Variants in MS4A14 observed in about 807,000 individuals in gnomAD.
The protein encoded by MS4A14 is membrane-spanning 4-domains subfamily A member 14.
A neutral mutation model predicts 16.7 loss-of-function variants in MS4A14; 18 were observed. That is an observed-to-expected ratio of 1.08 (90% confidence interval 0.75 to 1.60). MS4A14 has a LOEUF of 1.60. MS4A14 is among the 40% of genes most tolerant of loss of function. The pLI is 0.00. For missense variants in MS4A14, 812 were observed against 775.3 expected, an observed-to-expected ratio of 1.05 and a Z score of -0.56; for synonymous variants, 305 against 289.4, an observed-to-expected ratio of 1.05 and a Z score of -0.55.
Position 60,416,673 on chromosome 11 carries a change from C to G in MS4A14, c.1705C>G (p.Gln569Glu). The change falls in exon 5 of 5, where the codon CAG (glutamine) becomes GAG (glutamate). Residue 569 changes from glutamine to glutamate, a missense_variant. Transcript: ENST00000300187. The part of the protein sequence containing the change: ...EQLPDQQAED[Q>E]QAKGEQYPEG... Reference sequence around the variant, plus strand: ...ACTCCCAGATCAGCAAGCTGAAGATCAGCAAGCCAAAGGGGAACAATACCC... The same window carrying G: ...ACTCCCAGATCAGCAAGCTGAAGATGAGCAAGCCAAAGGGGAACAATACCC... The G allele has an allele frequency of 6.2e-7, 1 of 1,613,774 alleles. No individual in the cohort carries two copies. Among genetic ancestry groups the G allele is most frequent in the Non-Finnish European group, 8.5e-7 (1 of 1,179,944 alleles).
chr11:60,397,933 C>A lies in MS4A14; in HGVS notation c.220C>A (p.Leu74Ile). Residue 74 changes from leucine to isoleucine, a missense_variant, in exon 2 of 5, where the codon CTT becomes ATT. Coordinates refer to ENST00000300187, the MANE Select transcript of MS4A14 (RefSeq NM_032597.5). ...TAATTACATCGGTTTCTCCCAAAGA[C>A]TTCCCCTTGTTGTCCTCACAGGATA... ...ALNYIGFSQR[L>I]PLVVLTGYPF... 6.2e-7 allele frequency: 1 copy of A among 1,613,682 alleles called. No homozygotes were observed. The highest frequency in any genetic ancestry group is 8.5e-7 in the Non-Finnish European group (1 of 1,179,674).
chr11:60,398,586 C>G (rs2085663810), intron 2 of MS4A14, among the ~76,000 whole-genome samples: 2 of 152,312 alleles, frequency 1.3e-5, no homozygotes, highest in South Asian at 2.1e-4. Flanking sequence ...CCTGAGAAGA[C>G]AGCAGTGTTA....
intron 3 of MS4A14, among the ~76,000 whole-genome samples, chr11:60,401,874 T>C (rs1052857861): frequency 6.6e-6 from 1 of 152,184 alleles, no homozygotes; most frequent in African/African-American, 2.4e-5. Context: ...CTATTTGCAA[T>C]AAAAACCTGG....
chr11:60,409,995 T>C (rs910694386), intron 4 of MS4A14, among the ~76,000 whole-genome samples: 1 of 152,214 alleles, frequency 6.6e-6, no homozygotes, highest in Non-Finnish European at 1.5e-5. Context: ...ATGAAAGGCA[T>C]GTGCCACCAC....
chr11:60,398,415 A>G (rs2085661870), intron 2 of MS4A14, among the ~76,000 whole-genome samples: 1 of 152,220 alleles, frequency 6.6e-6, no homozygotes, highest in African/African-American at 2.4e-5. Flanking sequence ...AGCCCCAGAG[A>G]CAACTTTATG....
intron 4 of MS4A14, 106 bp from the exon 5 acceptor site, chr11:60,415,331 T>C: frequency 1.6e-6 from 2 of 1,229,414 alleles, no homozygotes; most frequent in South Asian, 1.6e-5. Context: ...TTAGATGTTA[T>C]TTCCTATCTA....
chr11:60,413,576 G>A lies in MS4A14; in HGVS notation c.469-1861G>A, dbSNP rs143711014. Among the ~76,000 whole-genome samples the A allele has an allele frequency of 2.0e-5, 3 of 151,960 alleles. No individual in the cohort carries two copies. In the East Asian group the frequency reaches 5.8e-4, roughly 29 times the overall value. ...GTATTATCTGTATATTACACAACTAGAGGAGAGTACAAACCCTGTTTTAAG... is the reference window on the plus strand; with the variant it reads ...GTATTATCTGTATATTACACAACTAAAGGAGAGTACAAACCCTGTTTTAAG... On this transcript the variant is annotated intron_variant, in intron 4 of 4. Coordinates refer to ENST00000300187, the MANE Select transcript of MS4A14 (RefSeq NM_032597.5).
chr11:60,400,996 C>A (rs149308789), intron 3 of MS4A14, among the ~76,000 whole-genome samples: 4 of 152,250 alleles, frequency 2.6e-5, no homozygotes, highest in East Asian at 1.9e-4. Flanking sequence ...CAATACCAAC[C>A]GAGGCTTTTC....
chr11:60,409,171 T>C (rs1200693102), intron 4 of MS4A14, among the ~76,000 whole-genome samples: 1 of 152,210 alleles, frequency 6.6e-6, no homozygotes, highest in African/African-American at 2.4e-5. Context: ...TTTTCTCTTC[T>C]AGTCACCTGG....
At chr11:60,405,139 G>A (rs2085768414) in intron 4 of MS4A14, among the ~76,000 whole-genome samples, 1 of 152,030 alleles carries the variant, frequency 6.6e-6, no homozygotes, top group South Asian at 2.1e-4. Flanking sequence ...GAGTGCAATG[G>A]CACAATCTCG....
intron 2 of MS4A14, among the ~76,000 whole-genome samples, 187 bp from the exon 3 acceptor site, chr11:60,400,217 G>A (rs1162600978): frequency 6.6e-6 from 1 of 152,158 alleles, no homozygotes; most frequent in Non-Finnish European, 1.5e-5. Context: ...TCAGTGCTGA[G>A]CAAATCCAGC....
rs533456293 is a variant in MS4A14 at position 60,400,166 on chromosome 11, G to A, written c.268-238G>A. ...ACATCTGGTCCTCTGGATCTTAGAGGAGCCTGCCTGTCCCAGTTGGCCCTG... is the reference window on the plus strand; with the variant it reads ...ACATCTGGTCCTCTGGATCTTAGAGAAGCCTGCCTGTCCCAGTTGGCCCTG... On this transcript the variant is annotated intron_variant, in intron 2 of 4. Transcript: ENST00000300187. Among the ~76,000 whole-genome samples, 4 of 152,292 alleles carry A rather than the reference G, an allele frequency of 2.6e-5. No individual in the cohort carries two copies. In the East Asian group the frequency reaches 7.7e-4, roughly 29 times the overall value.
chr11:60,404,237 C>G (rs2085755538), intron 4 of MS4A14, among the ~76,000 whole-genome samples: 1 of 152,156 alleles, frequency 6.6e-6, no homozygotes. Flanking sequence ...AGATTAGTTA[C>G]CTGCATACAG....
chr11:60,403,198 G>A (rs1277436128), intron 4 of MS4A14, 137 bp downstream of exon 4: 5 of 925,996 alleles, frequency 5.4e-6, no homozygotes, highest in Admixed American at 3.7e-5. Flanking sequence ...AGGGTACCAT[G>A]GGGTTACTGT....
intron 4 of MS4A14, among the ~76,000 whole-genome samples, chr11:60,404,207 G>A (rs1280841953): frequency 3.3e-5 from 5 of 152,214 alleles, no homozygotes; most frequent in African/African-American, 1.2e-4. Flanking sequence ...ATTTCCTGCT[G>A]TCCATGGATG....
chr11:60,415,272 A>G (rs1279585975), intron 4 of MS4A14, among the ~76,000 whole-genome samples, 165 bp from the exon 5 acceptor site: 1 of 152,114 alleles, frequency 6.6e-6, no homozygotes, highest in Non-Finnish European at 1.5e-5. Context: ...AATAATACCA[A>G]TAAGTTAATG....
chr11:60,415,845 C>T lies in MS4A14; in HGVS notation c.877C>T (p.Leu293Phe), dbSNP rs142839945. Residue 293 changes from leucine (L) to phenylalanine (F), a missense_variant, in exon 5 of 5, where the codon CTT becomes TTT. Physicochemically the swap from Leu to Phe is conservative, Grantham distance 22. Coordinates refer to ENST00000300187, the MANE Select transcript of MS4A14 (RefSeq NM_032597.5). ...IVQPSQMQTK[L>F]LQDQAASLQV... is the part of the protein sequence containing the mutation. The stretch of plus-strand genomic sequence containing the variant: ...ACAACCTTCTCAAATGCAAACCAAG[C>T]TTCTGCAGGACCAAGCTGCGTCACT... The T allele has an allele frequency of 1.1e-4, 180 of 1,613,866 alleles. No individual in the cohort carries two copies. The highest frequency in any genetic ancestry group is 1.6e-4 in the Middle Eastern group (1 of 6,062).
At position 60,416,983 on chromosome 11, in the gene MS4A14, T is replaced by C. The variant is rs2085957931; in HGVS notation, c.2015T>C (p.Leu672Ser). 1.2e-6 allele frequency: 2 copies of C among 1,612,650 alleles called. No individual in the cohort carries two copies. The highest frequency in any genetic ancestry group is 8.5e-7 in the Non-Finnish European group (1 of 1,179,174). The change falls in exon 5 of 5, where the codon TTG (leucine) becomes TCG (serine). Residue 672 changes from leucine (L) to serine (S), a missense_variant. Transcript: ENST00000300187. ...QAGQPRTVNL[L>S]AKNPLTG ...GGACAACCCAGGACTGTCAATCTTT[T>C]GGCCAAGAATCCCCTGACTGGATAA...
chr11:60,414,396 T>C (rs2135152321), intron 4 of MS4A14, among the ~76,000 whole-genome samples: 1 of 151,708 alleles, frequency 6.6e-6, no homozygotes, highest in South Asian at 2.1e-4. Flanking sequence ...CTAGGCCTGC[T>C]ATTAGCAAAC....
Sources: gnomAD v4.1 joint callset for allele counts (sites outside exome capture counted in the v4.1 genomes callset) on GRCh38, gnomAD v4.1.1 for gene constraint, MANE v1.5 for transcripts, NCBI Gene and HGNC (gene_info 2026-07-23, HGNC 2026-07-21) for gene names.